DHRS12: variants seen among roughly 807,000 people sequenced by gnomAD.
DHRS12 encodes the protein dehydrogenase/reductase SDR family member 12.
A neutral mutation model predicts 32.1 loss-of-function variants in DHRS12; 29 were observed. The observed-to-expected ratio is 0.90, with a 90% CI of 0.67 to 1.23. The LOEUF (loss-of-function observed/expected upper bound fraction) is 1.23. Among genes scored for constraint, DHRS12 ranks in the 50% most tolerant of loss-of-function variants. The pLI is 0.00. For synonymous variants in DHRS12, 150 were observed against 135.9 expected (o/e 1.10, Z -0.72); for missense variants, 330 against 337.2 (o/e 0.98, Z 0.17).
At chr13:51,771,561 C>T (rs184131002) in intron 7 of DHRS12, 53 of 1,587,408 alleles carry the variant, frequency 3.3e-5, no homozygotes, top group Admixed American at 2.4e-4. Context: ...GTTAGCAGGG[C>T]GCCCCAGGCG....
In DHRS12 at chr13:51,769,172, G is replaced by A. The variant is rs749097745; in HGVS notation, c.681C>T (p.Ser227=). 15 of 1,551,674 alleles carry A rather than the reference G, an allele frequency of 9.7e-6. No homozygotes were observed. Among genetic ancestry groups the A allele is most frequent in the African/African-American group, 2.7e-5 (2 of 73,146 alleles). Residue 227 remains serine (S), a synonymous_variant, in exon 8 of 9, where the codon AGC becomes AGT. Coordinates refer to ENST00000444610, the MANE Select transcript of DHRS12 (RefSeq NM_001377533.1). ...ALSSAAAAQP[S]GRFFQDRKPV... is the part of the protein sequence containing the mutation. ...GGAAGTCACCTTGAAAGAAGCGGCCGCTGGGCTGTGCGGCTGCGGCAGAGG... is the reference window on the plus strand; with the variant it reads ...GGAAGTCACCTTGAAAGAAGCGGCCACTGGGCTGTGCGGCTGCGGCAGAGG...
chr13:51,776,852 G>A (rs1188365049), intron 5 of DHRS12, among the ~76,000 whole-genome samples: 1 of 152,062 alleles, frequency 6.6e-6, no homozygotes, highest in East Asian at 1.9e-4. Context: ...GGGGGTCGGG[G>A]GTTGGGGGGG....
intron 1 of DHRS12, among the ~76,000 whole-genome samples, chr13:51,800,306 C>G (rs1747364929): frequency 6.6e-6 from 1 of 152,188 alleles, no homozygotes; most frequent in South Asian, 2.1e-4. Context: ...GGTATTTTTT[C>G]TGATTTGCAC....
At chr13:51,789,838 A>C (rs1375851083) in intron 4 of DHRS12, 173 bp downstream of exon 4, 2 of 985,240 alleles carry the variant, frequency 2.0e-6, no homozygotes, top group Non-Finnish European at 2.4e-6. Context: ...AGAAACATGA[A>C]AAGAGAAAGT....
At chr13:51,796,397 G>A (rs890626127) in intron 2 of DHRS12, among the ~76,000 whole-genome samples, 1 of 152,138 alleles carries the variant, frequency 6.6e-6, no homozygotes, top group Non-Finnish European at 1.5e-5. Context: ...TTATAAACCC[G>A]AGAGAGCAGT....
At chr13:51,781,749 T>C (rs1245776635) in intron 4 of DHRS12, among the ~76,000 whole-genome samples, 1 of 151,828 alleles carries the variant, frequency 6.6e-6, no homozygotes, top group Non-Finnish European at 1.5e-5. Context: ...TGGTAGAGGG[T>C]AGGGCAATGT....
At chr13:51,771,034 C>T (rs1392028960) in intron 7 of DHRS12, 3 of 1,427,532 alleles carry the variant, frequency 2.1e-6, no homozygotes, top group Non-Finnish European at 2.7e-6. Context: ...GAGCCTGATT[C>T]CCAAAACCCC....
In DHRS12 at chr13:51,773,975, G is replaced by T; in HGVS notation, c.423C>A (p.Ser141=). Residue 141 remains serine (S), a synonymous_variant, in exon 6 of 9, where the codon TCC becomes TCA. Coordinates refer to ENST00000444610, the MANE Select transcript of DHRS12 (RefSeq NM_001377533.1). ...TAGTTCCATCAAATGGTGTTCTTTC[G>T]GACTGGAGATCATTGGTGTTCAGTT... ...VQKLNTNDLQ[S]ERTPFDGTMV... The T allele has an allele frequency of 6.2e-7, 1 of 1,614,004 alleles. No homozygotes were observed. The highest frequency in any genetic ancestry group is 1.1e-5 in the South Asian group (1 of 91,080).
rs2138858066 is a variant in DHRS12 at position 51,768,130 on chromosome 13, C to T, written c.*57G>A. On this transcript the variant is annotated 3_prime_UTR_variant, in exon 9 of 9. Coordinates refer to ENST00000444610, the MANE Select transcript of DHRS12 (RefSeq NM_001377533.1). ...GTCTTCTTATTCACTGGTCCCTAGA[C>T]CGCACCTTCTGGTATCTTCTAAGGC... The T allele has an allele frequency of 6.5e-7, 1 of 1,534,642 alleles. No homozygotes were observed. The highest frequency in any genetic ancestry group is 2.4e-5 in the East Asian group (1 of 40,904).
chr13:51,800,015 A>C (rs184098302), intron 1 of DHRS12, among the ~76,000 whole-genome samples: 1 of 152,330 alleles, frequency 6.6e-6, no homozygotes, highest in African/African-American at 2.4e-5. Context: ...GGCAGGTTTC[A>C]GGAAGCTTAG....
intron 2 of DHRS12, among the ~76,000 whole-genome samples, chr13:51,793,993 G>C (rs1438660044): frequency 6.6e-6 from 1 of 152,200 alleles, no homozygotes; most frequent in African/African-American, 2.4e-5. Flanking sequence ...ATCAGCCACG[G>C]AGCTGGTGAC....
chr13:51,797,717 C>G, intron 2 of DHRS12: 1 of 1,158,582 alleles, frequency 8.6e-7, no homozygotes. Context: ...AAAGCAGAAG[C>G]ACAAACACAG....
At chr13:51,786,402 T>C (rs894329109) in intron 4 of DHRS12, among the ~76,000 whole-genome samples, 1 of 152,098 alleles carries the variant, frequency 6.6e-6, no homozygotes, top group South Asian at 2.1e-4. Context: ...TCACTCCTCA[T>C]GGACTCTTAA....
chr13:51,771,706 C>T (rs1408482103), intron 7 of DHRS12, 115 bp downstream of exon 7: 1 of 1,378,812 alleles, frequency 7.3e-7, no homozygotes, highest in South Asian at 1.3e-5. Flanking sequence ...TGAAGCTACT[C>T]CTCAGTCCTC....
intron 2 of DHRS12, among the ~76,000 whole-genome samples, chr13:51,793,806 A>C (rs1321496477): frequency 6.6e-6 from 1 of 152,220 alleles, no homozygotes; most frequent in African/African-American, 2.4e-5. Context: ...CCTACCAGAA[A>C]GCGCTGTGTA....
At chr13:51,777,143 C>T (rs1338885527) in intron 4 of DHRS12, 22 bp from the exon 5 acceptor site, 2 of 1,613,710 alleles carry the variant, frequency 1.2e-6, no homozygotes, top group African/African-American at 1.3e-5. Context: ...CACAGCATCC[C>T]ATGAGGGGGC....
rs1052789288 is a variant in DHRS12, at chr13:51,790,148, T to G, written c.220-56A>C. The G allele has an allele frequency of 6.3e-6, 9 of 1,439,722 alleles. No individual in the cohort carries two copies. The African/African-American group carries it at 7.3e-5, about 12-fold the overall frequency. The allele number at this position is 1,439,722 out of a possible 1,614,324, so 89.2% of individuals were successfully genotyped here. On this transcript the variant is annotated intron_variant, in intron 3 of 8. Transcript: ENST00000444610. ...AGAAAAATAGGGCCAAAAGACCTAT[T>G]TCCATCCCCACACCTCCACTACCCC...
At chr13:51,755,386 G>A in the DHRS12 span, 10 of 1,614,160 alleles carry the variant, frequency 6.2e-6, no homozygotes, top group African/African-American at 1.3e-5. Flanking sequence ...AGTGATTCCT[G>A]CCAAAAGTGT....
At chr13:51,767,028 T>TGTAA (rs1321668336), downstream of DHRS12, 8 of 152,378 alleles carry the variant, frequency 5.3e-5, no homozygotes, top group East Asian at 7.7e-4. Flanking sequence ...TCCTTCATCA[T>TGTAA]GTAAGTCAGC....
Sources: allele counts gnomAD v4.1 joint callset (sites outside exome capture counted in the v4.1 genomes callset), GRCh38; gene constraint gnomAD v4.1.1; transcripts MANE v1.5; gene names NCBI Gene and HGNC (gene_info 2026-07-23, HGNC 2026-07-21).